Variants in C4orf36 observed in about 807,000 individuals in gnomAD.
C4orf36 encodes uncharacterized protein C4orf36.
In C4orf36, 11 loss-of-function variants were observed where a neutral mutation model predicts 12.2. The ratio of observed to expected loss-of-function variants is 0.90; its 90% CI spans 0.57 to 1.49. C4orf36 has a LOEUF of 1.49. C4orf36 is among the 40% of genes most tolerant of loss of function. C4orf36 has a pLI of 0.00. For synonymous variants in C4orf36, 54 were observed against 51.3 expected (o/e 1.05, Z -0.22); for missense variants, 137 against 133.9 (o/e 1.02, Z -0.11).
intron 2 of C4orf36, 23 bp downstream of exon 2, chr4:86,891,433 T>TAA: frequency 1.5e-6 from 2 of 1,346,916 alleles, no homozygotes; most frequent in African/African-American, 1.4e-5. Flanking sequence ...TACCCTGATT[T>TAA]AAAAAAAAAA....
At chr4:86,913,950 G>A in the C4orf36 span, 11 of 1,492,138 alleles carry the variant, frequency 7.4e-6, no homozygotes, top group African/African-American at 7.0e-5. Flanking sequence ...TCAGCCTCCC[G>A]AGTAGCTGTC....
chr4:86,902,086 G>A, the C4orf36 span, among the ~76,000 whole-genome samples: 4 of 152,088 alleles, frequency 2.6e-5, no homozygotes, highest in Admixed American at 1.3e-4. Context: ...CACAAGCCAA[G>A]GAATGCTAGG....
At chr4:86,889,327 G>A (rs1481577226) in intron 2 of C4orf36, among the ~76,000 whole-genome samples, 1 of 149,014 alleles carries the variant, frequency 6.7e-6, no homozygotes, top group Admixed American at 6.8e-5. Flanking sequence ...CTTCAGCCTG[G>A]GTGAGAAGAG....
rs544239697 is a variant in C4orf36 at position 86,890,199 on chromosome 4, GAGGGAGGGAGGAAGGAAGGA to G, written c.65+1237_65+1256del. Reference sequence around the variant, plus strand: ...GAAAGAAGGGAGGGAGGGAGGGAGGGAGGGAGGGAGGAAGGAAGGAAGGAAGGAAGGAAGGAAGGAAACTG... The same window carrying G: ...GAAAGAAGGGAGGGAGGGAGGGAGGGAGGAAGGAAGGAAGGAAGGAAACTG... On this transcript the variant is annotated intron_variant, in intron 2 of 4. Transcript: ENST00000295898. 929 of 245,792 alleles carry G rather than the reference GAGGGAGGGAGGAAGGAAGGA, an allele frequency of 3.8e-3. 6 individuals are homozygous for G. Among genetic ancestry groups the G allele is most frequent in the Non-Finnish European group, 6.1e-3 (696 of 114,984 alleles). 15.2% of individuals were successfully genotyped at this position (245,792 alleles called of 1,614,324 possible). A position where few individuals can be genotyped will look rare whatever the true frequency, so the allele number is the denominator to read the frequency against.
the C4orf36 span, chr4:86,913,412 C>T: frequency 2.7e-6 from 2 of 746,822 alleles, no homozygotes; most frequent in Admixed American, 3.6e-5. Context: ...ATCTCCAACA[C>T]CGTGTTGCGG....
the C4orf36 span, among the ~76,000 whole-genome samples, chr4:86,919,898 G>A: frequency 2.0e-5 from 3 of 152,036 alleles, no homozygotes; most frequent in Non-Finnish European, 4.4e-5. Flanking sequence ...AGCTGAGAGT[G>A]GGGGAGTAGC....
intron 2 of C4orf36, among the ~76,000 whole-genome samples, chr4:86,891,095 T>C (rs1172645830): frequency 6.6e-6 from 1 of 152,158 alleles, no homozygotes; most frequent in Non-Finnish European, 1.5e-5. Context: ...ACGTGGAGTA[T>C]CTAAACAAAG....
chr4:86,934,999 G>A, the C4orf36 span: 2 of 151,924 alleles, frequency 1.3e-5, no homozygotes, highest in Admixed American at 1.3e-4. Flanking sequence ...CAGCCGGCGT[G>A]CTGAGCTTGC....
At chr4:86,885,522 T>C (rs930408676) in intron 4 of C4orf36, among the ~76,000 whole-genome samples, 2 of 152,236 alleles carry the variant, frequency 1.3e-5, no homozygotes, top group African/African-American at 4.8e-5. Context: ...TGTATAAGAA[T>C]GCTTGTGATT....
chr4:86,889,323 C>T (rs1238269721), intron 2 of C4orf36, among the ~76,000 whole-genome samples: 1 of 147,542 alleles, frequency 6.8e-6, no homozygotes, highest in African/African-American at 2.5e-5. Flanking sequence ...TGCACTTCAG[C>T]CTGGGTGAGA....
chr4:86,904,771 C>T, the C4orf36 span, among the ~76,000 whole-genome samples: 2 of 151,816 alleles, frequency 1.3e-5, no homozygotes, highest in South Asian at 2.1e-4. Context: ...ATTACAGATT[C>T]GAAAAGTACA....
At chr4:86,886,601 A>T (rs1466697624) in intron 4 of C4orf36, 1 of 152,244 alleles carries the variant, frequency 6.6e-6, no homozygotes, top group Non-Finnish European at 1.5e-5. Flanking sequence ...ATCATTAAAA[A>T]GTCAGGAAAC....
the C4orf36 span, among the ~76,000 whole-genome samples, chr4:86,905,028 G>A: frequency 2.0e-5 from 3 of 152,056 alleles, no homozygotes; most frequent in Admixed American, 6.6e-5. Flanking sequence ...TTGAGCCCAG[G>A]AGTTCGAGAC....
Position 86,891,611 on chromosome 4 carries a change from C to A in C4orf36, c.-73-18G>T. On this transcript the variant is annotated intron_variant, in intron 1 of 4. Transcript: ENST00000295898. ...CACTTTACCTGAAATGATGGCAACG[C>A]ACCTAATTAATGCCTCTCACGTGAA... The A allele has an allele frequency of 6.3e-7, 1 of 1,594,060 alleles. No individual in the cohort carries two copies. Among genetic ancestry groups the A allele is most frequent in the East Asian group, 2.2e-5 (1 of 44,558 alleles).
the C4orf36 span, among the ~76,000 whole-genome samples, chr4:86,923,798 T>G: frequency 1.3e-5 from 2 of 151,940 alleles, no homozygotes; most frequent in Non-Finnish European, 1.5e-5. Context: ...TGATAAATTA[T>G]TGGTATAATT....
the C4orf36 span, among the ~76,000 whole-genome samples, chr4:86,915,896 A>C: frequency 2.6e-5 from 4 of 152,354 alleles, no homozygotes; most frequent in Admixed American, 6.5e-5. Context: ...CTACAAGCTA[A>C]GGAACACCAG....
At chr4:86,929,726 A>G in the C4orf36 span, among the ~76,000 whole-genome samples, 7 of 152,248 alleles carry the variant, frequency 4.6e-5, no homozygotes, top group African/African-American at 1.7e-4. Flanking sequence ...GAGCAGAATT[A>G]GTACCTGACA....
At chr4:86,890,099 G>C (rs112469284) in intron 2 of C4orf36, 2 of 453,948 alleles carry the variant, frequency 4.4e-6, no homozygotes, top group African/African-American at 2.0e-5. Context: ...GGCTGAGATG[G>C]GAGGATCACT....
chr4:86,922,787 CAT>C, the C4orf36 span, among the ~76,000 whole-genome samples: 1 of 152,140 alleles, frequency 6.6e-6, no homozygotes, highest in Admixed American at 6.5e-5. Context: ...GTCATTTACA[CAT>C]ATAATTTCTC....
Sources: allele counts gnomAD v4.1 joint callset (sites outside exome capture counted in the v4.1 genomes callset), GRCh38; gene constraint gnomAD v4.1.1; transcripts MANE v1.5; gene names NCBI Gene and HGNC (gene_info 2026-07-23, HGNC 2026-07-21).